The following RALGAPA2 variants were observed in gnomAD, a reference collection of about 807,000 sequenced individuals.
RALGAPA2 encodes ral GTPase-activating protein subunit alpha-2.
In RALGAPA2, 139 loss-of-function variants were observed where a neutral mutation model predicts 230.4. The ratio of observed to expected loss-of-function variants is 0.60; its 90% CI spans 0.53 to 0.69. The LOEUF (loss-of-function observed/expected upper bound fraction) is 0.69. Ranked by LOEUF, RALGAPA2 falls within the 30% of genes least tolerant of loss-of-function variation. RALGAPA2 has a pLI of 0.00. For missense variants in RALGAPA2, 2,163 were observed against 2,276.0 expected (o/e 0.95, Z 1.01); for synonymous variants, 847 against 837.8 (o/e 1.01, Z -0.19).
At chr20:20,682,763 G>A (rs2068565892) in intron 1 of RALGAPA2, among the ~76,000 whole-genome samples, 2 of 152,118 alleles carry the variant, frequency 1.3e-5, no homozygotes, top group African/African-American at 4.8e-5. Context: ...TTCTTGAATT[G>A]AGAATCCATG....
In RALGAPA2 at chr20:20,560,529, T is replaced by C. The variant is rs187723563; in HGVS notation, c.3156+10929A>G. 5.9e-5 allele frequency among the ~76,000 whole-genome samples: 9 copies of C among 152,352 alleles called. No homozygotes were observed. The East Asian group carries it at 1.7e-3, about 29-fold the overall frequency. Reference sequence around the variant, plus strand: ...GAAATCAACAGACAAAAAGAGATTATTCCCCACAAGGAGAGCACTTTTCTC... The same window carrying C: ...GAAATCAACAGACAAAAAGAGATTACTCCCCACAAGGAGAGCACTTTTCTC... On this transcript the variant is annotated intron_variant, in intron 23 of 39. Coordinates refer to ENST00000202677, the MANE Select transcript of RALGAPA2 (RefSeq NM_020343.4).
At chr20:20,645,154 G>A (rs1215200194) in intron 4 of RALGAPA2, among the ~76,000 whole-genome samples, 4 of 121,986 alleles carry the variant, frequency 3.3e-5, no homozygotes, top group East Asian at 2.5e-4. Flanking sequence ...TTGCTCTGTC[G>A]CTCAGGCTGG....
At chr20:20,428,131 A>G (rs2060425069) in intron 37 of RALGAPA2, among the ~76,000 whole-genome samples, 2 of 152,194 alleles carry the variant, frequency 1.3e-5, no homozygotes, top group South Asian at 2.1e-4. Context: ...TTACTCTTCA[A>G]TGAAAACTGT....
Position 20,642,349 on chromosome 20 carries a change from T to C in RALGAPA2, c.372+1157A>G, listed in dbSNP as rs1347476525. Among the ~76,000 whole-genome samples, 7 of 152,176 alleles carry C rather than the reference T, an allele frequency of 4.6e-5. No individual in the cohort carries two copies. The South Asian group carries it at 1.5e-3, about 32-fold the overall frequency. On this transcript the variant is annotated intron_variant, in intron 5 of 39. Transcript: ENST00000202677. ...CCTCAGCCTCCCGAGTAGCTGAGAC[T>C]ATAGGCGTATGCCACCATGCCCGGC...
chr20:20,555,846 T>C (rs6046932), intron 23 of RALGAPA2, among the ~76,000 whole-genome samples: 12,613 of 152,222 alleles, frequency 0.083, 748 homozygotes, highest in East Asian at 0.16. Context: ...AGATCATATA[T>C]TTGTCAATAT....
intron 1 of RALGAPA2, among the ~76,000 whole-genome samples, chr20:20,692,887 A>G (rs1055085928): frequency 9.9e-5 from 15 of 152,194 alleles, no homozygotes; most frequent in Non-Finnish European, 2.1e-4. Context: ...CTCTTTTTAT[A>G]GGAGAAAGAA....
Position 20,398,519 on chromosome 20 carries a change from C to T in RALGAPA2, c.5618-1785G>A, listed in dbSNP as rs2059765050. Reference sequence around the variant, plus strand: ...CCATGGGGCTCAAATGTCACTTGCCCTTGACACACGGCGGTGCTCCCAAAG... The same window carrying T: ...CCATGGGGCTCAAATGTCACTTGCCTTTGACACACGGCGGTGCTCCCAAAG... On this transcript the variant is annotated intron_variant, in intron 38 of 39. Transcript: ENST00000202677. The surrounding 1 kb of genome is among the most constrained non-coding windows in gnomAD (Gnocchi z 4.5). Among the ~76,000 whole-genome samples, 1 of 152,174 alleles carries T rather than the reference C, an allele frequency of 6.6e-6. No individual in the cohort carries two copies. Among genetic ancestry groups the T allele is most frequent in the Non-Finnish European group, 1.5e-5 (1 of 68,030 alleles).
chr20:20,630,566 G>A (rs929679777), intron 9 of RALGAPA2, among the ~76,000 whole-genome samples: 20 of 152,262 alleles, frequency 1.3e-4, no homozygotes, highest in African/African-American at 3.9e-4. Flanking sequence ...AGGCACTGTC[G>A]CACTGTAAGA....
At chr20:20,602,065 A>T (rs1415728322) in intron 15 of RALGAPA2, among the ~76,000 whole-genome samples, 1 of 152,254 alleles carries the variant, frequency 6.6e-6, no homozygotes, top group Non-Finnish European at 1.5e-5. Context: ...AATCTAAAAC[A>T]GTCTTATGGA....
intron 2 of RALGAPA2, 38 bp from the exon 3 acceptor site, chr20:20,676,326 T>C (rs770275294): frequency 1.4e-6 from 2 of 1,404,620 alleles, no homozygotes; most frequent in South Asian, 1.2e-5. Flanking sequence ...CATGACATCA[T>C]TTAAACTTCA....
chr20:20,640,317 G>GT (rs1367236059), intron 6 of RALGAPA2, among the ~76,000 whole-genome samples: 1 of 152,154 alleles, frequency 6.6e-6, no homozygotes, highest in African/African-American at 2.4e-5. Flanking sequence ...TAAGATCCTG[G>GT]TGAGCAGATG....
Position 20,393,064 on chromosome 20 carries a change from C to G in RALGAPA2, c.*225G>C, listed in dbSNP as rs771936059. On this transcript the variant is annotated 3_prime_UTR_variant, in exon 40 of 40. Coordinates refer to ENST00000202677, the MANE Select transcript of RALGAPA2 (RefSeq NM_020343.4). ...CCTAGTTTGAGTCCCATCTGAGACA[C>G]GGTAGTGGGATTCACCATGGGCTTC... 7.6e-7 allele frequency: 1 copy of G among 1,323,876 alleles called. No individual in the cohort carries two copies. Among genetic ancestry groups the G allele is most frequent in the Admixed American group, 2.1e-5 (1 of 48,478 alleles). 82.0% of individuals were successfully genotyped at this position (1,323,876 alleles called of 1,614,324 possible).
intron 35 of RALGAPA2, among the ~76,000 whole-genome samples, chr20:20,496,471 T>C (rs948587126): frequency 4.6e-5 from 7 of 152,222 alleles, no homozygotes; most frequent in Admixed American, 3.3e-4. Flanking sequence ...TAAGGCCCTC[T>C]GACATCTTCT....
chr20:20,394,406 G>T (rs2328511), intron 39 of RALGAPA2, among the ~76,000 whole-genome samples: 1 of 151,870 alleles, frequency 6.6e-6, no homozygotes, highest in Non-Finnish European at 1.5e-5. Context: ...AGCCGGGCGC[G>T]GTGGGCGGAT....
At chr20:20,676,462 C>T (rs1306623048) in intron 2 of RALGAPA2, among the ~76,000 whole-genome samples, 174 bp from the exon 3 acceptor site, 3 of 135,716 alleles carry the variant, frequency 2.2e-5, no homozygotes, top group Non-Finnish European at 3.2e-5. Flanking sequence ...CAACCGAGCC[C>T]GACTGCTCAG....
At chr20:20,512,224 T>TACAC (rs1257439741) in intron 32 of RALGAPA2, among the ~76,000 whole-genome samples, 1,465 of 137,760 alleles carry the variant, frequency 0.011, 16 homozygotes, top group South Asian at 0.026. Context: ...CAACCCCCCC[T>TACAC]ACACACACAC....
chr20:20,712,603 T>TGCCGCCGCTGCCGCCGCCGCC lies in RALGAPA2; in HGVS notation c.-124_-123insGGCGGCGGCGGCAGCGGCGGC, dbSNP rs1555833909. On this transcript the variant is annotated 5_prime_UTR_variant, in exon 1 of 40. Transcript: ENST00000202677. This position sits in a 1 kb window ranked among gnomAD's most constrained non-coding sequence, Gnocchi z 5.5. ...CACTCGCCGCCCCCAGCCCCGCTGC[T>TGCCGCCGCTGCCGCCGCCGCC]GCCGCCGCCGCCGCCGCCGCCGCCG... 8.5e-7 allele frequency: 1 copy of TGCCGCCGCTGCCGCCGCCGCC among 1,171,346 alleles called. No individual in the cohort carries two copies. The highest frequency in any genetic ancestry group is 1.6e-5 in the African/African-American group (1 of 61,396). The allele number at this position is 1,171,346 out of a possible 1,614,324, so 72.6% of individuals were successfully genotyped here.
rs188781709 is a variant in RALGAPA2 at position 20,666,864 on chromosome 20, A to G, written c.270+9372T>C. Among the ~76,000 whole-genome samples, 239 of 152,082 alleles carry G rather than the reference A, an allele frequency of 1.6e-3. 1 individual carries two copies. The highest frequency in any genetic ancestry group is 5.6e-3 in the African/African-American group (232 of 41,488). On this transcript the variant is annotated intron_variant, in intron 3 of 39. Transcript: ENST00000202677. ...TTTTAATTTGTTTTCATTTTCAAAGAGTTACAAAAGATATGCAATTCTCAC... is the reference window on the plus strand; with the variant it reads ...TTTTAATTTGTTTTCATTTTCAAAGGGTTACAAAAGATATGCAATTCTCAC...
At chr20:20,678,109 G>A (rs118122477) in intron 2 of RALGAPA2, among the ~76,000 whole-genome samples, 4,709 of 152,184 alleles carry the variant, frequency 0.031, 98 homozygotes, top group South Asian at 0.061. Flanking sequence ...AGAACAGGCC[G>A]GTGATTCTGG....
Sources: gnomAD v4.1 joint callset for allele counts (sites outside exome capture counted in the v4.1 genomes callset) on GRCh38, gnomAD v4.1.1 for gene constraint, Gnocchi (gnomAD v3.1) non-coding constraint, MANE v1.5 for transcripts, NCBI Gene and HGNC (gene_info 2026-07-23, HGNC 2026-07-21) for gene names.